The following EPHA6 variants were observed in gnomAD, a reference collection of about 807,000 sequenced individuals.
EPHA6 encodes the protein ephrin type-A receptor 6.
EPHA6 carries 50 observed loss-of-function variants against 112.0 expected under a neutral mutation model. The observed-to-expected ratio is 0.45, with a 90% CI of 0.36 to 0.56. The LOEUF (loss-of-function observed/expected upper bound fraction) is 0.56, where lower values mean the gene tolerates loss of function less well. Among genes scored for constraint, EPHA6 ranks in the 20% least tolerant of loss-of-function variants. The pLI, the probability that EPHA6 is intolerant of heterozygous loss-of-function variation, is 0.00. For synonymous variants in EPHA6, 529 were observed against 490.7 expected, an observed-to-expected ratio of 1.08 and a Z score of -1.03; for missense variants, 1,280 against 1,417.4, an observed-to-expected ratio of 0.90 and a Z score of 1.56.
intron 5 of EPHA6, among the ~76,000 whole-genome samples, chr3:97,343,423 G>T (rs897936597): frequency 6.6e-6 from 1 of 152,124 alleles, no homozygotes; most frequent in African/African-American, 2.4e-5. Flanking sequence ...AATGAAAAAG[G>T]GAAGAAATGA....
At chr3:97,459,418 C>G (rs997547123) in intron 7 of EPHA6, among the ~76,000 whole-genome samples, 1 of 152,146 alleles carries the variant, frequency 6.6e-6, no homozygotes, top group Non-Finnish European at 1.5e-5. Flanking sequence ...GTTAGAGAAC[C>G]AATGTCATCC....
chr3:97,556,548 A>T (rs1445266698), intron 11 of EPHA6, among the ~76,000 whole-genome samples: 1 of 151,978 alleles, frequency 6.6e-6, no homozygotes, highest in East Asian at 1.9e-4. Flanking sequence ...TTAAGAACTC[A>T]CTCACTATCT....
intron 3 of EPHA6, among the ~76,000 whole-genome samples, chr3:97,073,414 C>T (rs914908846): frequency 3.9e-5 from 6 of 152,064 alleles, no homozygotes; most frequent in Admixed American, 3.3e-4. Flanking sequence ...GAGACAGTAT[C>T]CACTTCTTAT....
At chr3:97,676,716 G>T (rs1402163099) in intron 14 of EPHA6, among the ~76,000 whole-genome samples, 2 of 152,168 alleles carry the variant, frequency 1.3e-5, no homozygotes, top group Non-Finnish European at 2.9e-5. Flanking sequence ...GGAATGATTG[G>T]ATTTAGATGG....
intron 15 of EPHA6, among the ~76,000 whole-genome samples, chr3:97,735,237 C>A (rs536162478): frequency 5.9e-5 from 9 of 152,184 alleles, no homozygotes; most frequent in African/African-American, 1.7e-4. Context: ...TCTGTCATCA[C>A]AGAAGTTCTG....
intron 2 of EPHA6, among the ~76,000 whole-genome samples, chr3:96,895,039 A>G (rs932250149): frequency 1.3e-5 from 2 of 152,198 alleles, no homozygotes; most frequent in African/African-American, 2.4e-5. Context: ...GCAAACCACC[A>G]TGGACAATTT....
At chr3:97,190,960 A>T (rs2077290042) in intron 3 of EPHA6, among the ~76,000 whole-genome samples, 1 of 152,136 alleles carries the variant, frequency 6.6e-6, no homozygotes, top group African/African-American at 2.4e-5. Flanking sequence ...TTACTATGAT[A>T]TACAGTGTAT....
At chr3:97,329,279 G>A (rs1214848510) in intron 5 of EPHA6, among the ~76,000 whole-genome samples, 4 of 151,232 alleles carry the variant, frequency 2.6e-5, no homozygotes, top group East Asian at 3.9e-4. Context: ...ATAAACATAC[G>A]TGTGCATGTG....
chr3:96,863,756 A>T (rs1438525343), intron 1 of EPHA6, among the ~76,000 whole-genome samples: 1 of 152,048 alleles, frequency 6.6e-6, no homozygotes, highest in Non-Finnish European at 1.5e-5. Flanking sequence ...AAATGAATTA[A>T]TGAATTAACT....
intron 6 of EPHA6, among the ~76,000 whole-genome samples, chr3:97,423,412 AAAG>A (rs2088840661): frequency 6.6e-6 from 1 of 152,226 alleles, no homozygotes; most frequent in Admixed American, 6.5e-5. Context: ...AATGCCACTA[AAAG>A]AATAAAATAC....
chr3:97,550,023 G>A (rs2093008466), intron 11 of EPHA6, among the ~76,000 whole-genome samples: 2 of 152,034 alleles, frequency 1.3e-5, no homozygotes, highest in Non-Finnish European at 2.9e-5. Flanking sequence ...TGATTGTGAA[G>A]GAAAATTATT....
intron 11 of EPHA6, among the ~76,000 whole-genome samples, chr3:97,547,469 G>C (rs750879095): frequency 1.3e-5 from 2 of 152,132 alleles, no homozygotes; most frequent in Non-Finnish European, 2.9e-5. Context: ...GTGTCAGTCC[G>C]CCCATACTGG....
In EPHA6 at chr3:97,747,473, T is replaced by G; in HGVS notation, c.3179T>G (p.Val1060Gly). The change falls in exon 17 of 18, where the codon GTT (valine) becomes GGT (glycine). Residue 1060 changes from valine to glycine, a missense_variant. Coordinates refer to ENST00000389672, the MANE Select transcript of EPHA6 (RefSeq NM_001080448.3). ...EVPEYPLFVTVGDWLDSIKMG... is the reference protein window; with the variant it reads ...EVPEYPLFVTGGDWLDSIKMG... ...CCGGAATATCCTTTGTTTGTCACAG[T>G]TGGTGACTGGCTAGATTCTATAAAG... 1.2e-6 allele frequency: 2 copies of G among 1,605,226 alleles called. No individual in the cohort carries two copies. The highest frequency in any genetic ancestry group is 1.7e-6 in the Non-Finnish European group (2 of 1,175,502).
intron 3 of EPHA6, among the ~76,000 whole-genome samples, chr3:97,115,108 A>G (rs2047844952): frequency 6.6e-6 from 1 of 151,996 alleles, no homozygotes; most frequent in Admixed American, 6.6e-5. Flanking sequence ...TAAGTCAGCT[A>G]TCAAAAGGCC....
intron 12 of EPHA6, among the ~76,000 whole-genome samples, chr3:97,604,258 C>T (rs949474319): frequency 6.6e-6 from 1 of 151,694 alleles, no homozygotes; most frequent in Non-Finnish European, 1.5e-5. Flanking sequence ...GGGAAAACAT[C>T]TCCAATATCA....
rs769952420 is a variant in EPHA6 at position 97,758,194 on chromosome 3, CAG to C, written c.*9496_*9497del. ...TTACGTGTAATCTGCTTATTTTCTTCAGAGTTTCCAAAAACCTTTGAGAAAAC... is the reference window on the plus strand; with the variant it reads ...TTACGTGTAATCTGCTTATTTTCTTCAGTTTCCAAAAACCTTTGAGAAAAC... On this transcript the variant is annotated 3_prime_UTR_variant, in exon 18 of 18. Transcript: ENST00000389672. Among the ~76,000 whole-genome samples, 5 of 151,948 alleles carry C rather than the reference CAG, an allele frequency of 3.3e-5. No individual in the cohort carries two copies. Among genetic ancestry groups the C allele is most frequent in the African/African-American group, 9.7e-5 (4 of 41,404 alleles).
At chr3:97,359,449 ATTGT>A (rs1360396044) in intron 5 of EPHA6, among the ~76,000 whole-genome samples, 2 of 136,898 alleles carry the variant, frequency 1.5e-5, no homozygotes, top group South Asian at 2.3e-4. Flanking sequence ...TTGTTCATAC[ATTGT>A]TTTTTTTTTT....
At chr3:96,921,798 C>A (rs1265767876) in intron 2 of EPHA6, among the ~76,000 whole-genome samples, 2 of 152,026 alleles carry the variant, frequency 1.3e-5, no homozygotes, top group African/African-American at 4.8e-5. Flanking sequence ...GAACTCTTAA[C>A]CTCAGGTGAC....
At chr3:97,557,837 C>A (rs1211405797) in intron 11 of EPHA6, among the ~76,000 whole-genome samples, 1 of 151,230 alleles carries the variant, frequency 6.6e-6, no homozygotes, top group Non-Finnish European at 1.5e-5. Flanking sequence ...AAAAAATTTT[C>A]TTTAGGATGT....
Sources: allele counts gnomAD v4.1 joint callset (sites outside exome capture counted in the v4.1 genomes callset), GRCh38; gene constraint gnomAD v4.1.1; transcripts MANE v1.5; gene names NCBI Gene and HGNC (gene_info 2026-07-23, HGNC 2026-07-21).